The following RAB8B variants were observed in gnomAD, a reference collection of about 807,000 sequenced individuals.
The protein encoded by RAB8B is RAB8B, member RAS oncogene family.
In RAB8B, 11 loss-of-function variants were observed where a neutral mutation model predicts 32.0. The observed-to-expected ratio is 0.34, with a 90% CI of 0.22 to 0.57. RAB8B has a LOEUF of 0.57. Among genes scored for constraint, RAB8B ranks in the 20% least tolerant of loss-of-function variants. The pLI, the probability that RAB8B is intolerant of heterozygous loss-of-function variation, is 0.86. For missense variants in RAB8B, 190 were observed against 258.5 expected (o/e 0.73, Z 1.82); for synonymous variants, 103 against 89.6 (o/e 1.15, Z -0.85).
At position 63,197,459 on chromosome 15, in the gene RAB8B, C is replaced by T. The variant is rs116497554; in HGVS notation, c.124+7711C>T. 7.0e-3 allele frequency among the ~76,000 whole-genome samples: 1,038 copies of T among 149,156 alleles called. 8 individuals are homozygous for T. Among genetic ancestry groups the T allele is most frequent in the African/African-American group, 0.022 (905 of 40,492 alleles). On this transcript the variant is annotated intron_variant, in intron 1 of 7. Coordinates refer to ENST00000321437, the MANE Select transcript of RAB8B (RefSeq NM_016530.3). ...TGCAATCTCGGCTTGCTGCAACCTC[C>T]GCCTCCTGGTCTCAAGCAGTTCTCC...
Position 63,259,238 on chromosome 15 carries a change from G to A in RAB8B, c.415-389G>A, listed in dbSNP as rs933857975. On this transcript the variant is annotated intron_variant, in intron 5 of 7. Coordinates refer to ENST00000321437, the MANE Select transcript of RAB8B (RefSeq NM_016530.3). This position sits in a 1 kb window ranked among gnomAD's most constrained non-coding sequence, Gnocchi z 4.4. ...GGGTTCAAGCAATTCTCCTGCCTCAGCCTCCCGGGTAGCTGGGACTACAGG... is the reference window on the plus strand; with the variant it reads ...GGGTTCAAGCAATTCTCCTGCCTCAACCTCCCGGGTAGCTGGGACTACAGG... Among the ~76,000 whole-genome samples the A allele has an allele frequency of 3.3e-5, 5 of 152,062 alleles. No individual in the cohort carries two copies. Among genetic ancestry groups the A allele is most frequent in the African/African-American group, 1.2e-4 (5 of 41,406 alleles).
At chr15:63,209,791 T>A (rs1024668461) in intron 1 of RAB8B, among the ~76,000 whole-genome samples, 1 of 152,020 alleles carries the variant, frequency 6.6e-6, no homozygotes. Context: ...GGGATACATG[T>A]GCAGAATGTG....
Position 63,189,869 on chromosome 15 carries a change from G to T in RAB8B, c.124+121G>T. ...AGGAGACCCCGGGGACTGCAAGGTGGCGGGGGCACTGAGAGGGGCGAGGGC... is the reference window on the plus strand; with the variant it reads ...AGGAGACCCCGGGGACTGCAAGGTGTCGGGGGCACTGAGAGGGGCGAGGGC... On this transcript the variant is annotated intron_variant, in intron 1 of 7. Coordinates refer to ENST00000321437, the MANE Select transcript of RAB8B (RefSeq NM_016530.3). The T allele has an allele frequency of 2.5e-6, 3 of 1,201,294 alleles. No homozygotes were observed. The South Asian group carries it at 4.6e-5, about 19-fold the overall frequency. The allele number at this position is 1,201,294 out of a possible 1,614,324, so 74.4% of individuals were successfully genotyped here.
intron 1 of RAB8B, among the ~76,000 whole-genome samples, chr15:63,212,562 A>C (rs1018309068): frequency 3.9e-5 from 6 of 152,252 alleles, no homozygotes; most frequent in Non-Finnish European, 8.8e-5. Flanking sequence ...CTAAAAATGT[A>C]GTAAAGTAAA....
At chr15:63,196,566 G>A (rs1427080638) in intron 1 of RAB8B, among the ~76,000 whole-genome samples, 2 of 152,116 alleles carry the variant, frequency 1.3e-5, no homozygotes, top group Non-Finnish European at 2.9e-5. Flanking sequence ...AGTCATATTC[G>A]CCTTTTAAAT....
rs1031438195 is a variant in RAB8B at position 63,249,718 on chromosome 15, T to C, written c.246+13T>C. On this transcript the variant is annotated intron_variant, in intron 3 of 7. Transcript: ENST00000321437. ...CAGAGGAGCCATGGTGAGTGTGTTG[T>C]AGGGTTTTGTAACTCTTCAGGTAGA... 4 of 1,611,322 alleles carry C rather than the reference T, an allele frequency of 2.5e-6. No individual in the cohort carries two copies. The Admixed American group carries it at 6.7e-5, about 27-fold the overall frequency.
At chr15:63,226,903 A>G (rs1179088505) in intron 1 of RAB8B, among the ~76,000 whole-genome samples, 1 of 152,132 alleles carries the variant, frequency 6.6e-6, no homozygotes, top group Non-Finnish European at 1.5e-5. Context: ...TGATATTGCT[A>G]AACAAGGGGT....
chr15:63,230,863 T>G (rs2037930833), intron 1 of RAB8B, among the ~76,000 whole-genome samples: 1 of 152,118 alleles, frequency 6.6e-6, no homozygotes, highest in Non-Finnish European at 1.5e-5. Context: ...GCCCAGCTAA[T>G]TTTTAATTTA....
At chr15:63,241,146 C>A (rs1358784699) in intron 1 of RAB8B, among the ~76,000 whole-genome samples, 1 of 152,180 alleles carries the variant, frequency 6.6e-6, no homozygotes, top group African/African-American at 2.4e-5. Flanking sequence ...AATTTGAGAC[C>A]AGCCTGGTCA....
intron 3 of RAB8B, among the ~76,000 whole-genome samples, chr15:63,252,165 T>G (rs2038121866): frequency 6.6e-6 from 1 of 151,946 alleles, no homozygotes; most frequent in Non-Finnish European, 1.5e-5. Context: ...GAATTTGTAT[T>G]TCTAACTGAT....
chr15:63,241,444 T>C (rs959648533), intron 1 of RAB8B, among the ~76,000 whole-genome samples: 1 of 152,250 alleles, frequency 6.6e-6, no homozygotes, highest in African/African-American at 2.4e-5. Flanking sequence ...TTGAAAGTCA[T>C]TGTTTTTTTT....
At chr15:63,239,543 G>A (rs569742245) in intron 1 of RAB8B, among the ~76,000 whole-genome samples, 8 of 149,546 alleles carry the variant, frequency 5.3e-5, no homozygotes, top group African/African-American at 7.4e-5. Context: ...TAGCCTCCCC[G>A]CTAGCTGGGA....
chr15:63,214,924 G>C lies in RAB8B; in HGVS notation c.124+25176G>C, dbSNP rs76476126. Among the ~76,000 whole-genome samples the C allele has an allele frequency of 2.6e-3, 396 of 152,236 alleles. 3 individuals are homozygous for C. Among genetic ancestry groups the C allele is most frequent in the African/African-American group, 7.8e-3 (326 of 41,546 alleles). On this transcript the variant is annotated intron_variant, in intron 1 of 7. Coordinates refer to ENST00000321437, the MANE Select transcript of RAB8B (RefSeq NM_016530.3). ...TGTTTACTAAGGTCTTTAAAATTGA[G>C]TAGGGCATCTACAGCTCTCTGTCCT...
Position 63,263,726 on chromosome 15 carries a change from G to C in RAB8B, c.*107G>C. 2 of 871,676 alleles carry C rather than the reference G, an allele frequency of 2.3e-6. No homozygotes were observed. Among genetic ancestry groups the C allele is most frequent in the South Asian group, 3.0e-5 (2 of 67,688 alleles). The allele number at this position is 871,676 out of a possible 1,614,324, so 54.0% of individuals were successfully genotyped here. On this transcript the variant is annotated 3_prime_UTR_variant, in exon 8 of 8. Transcript: ENST00000321437. Reference sequence around the variant, plus strand: ...TCACACCTCCCGGCTGCTGCTGAGAGCACCACTGAACTTAGACCTCTCAAC... The same window carrying C: ...TCACACCTCCCGGCTGCTGCTGAGACCACCACTGAACTTAGACCTCTCAAC...
At chr15:63,199,165 A>C (rs1752998885) in intron 1 of RAB8B, among the ~76,000 whole-genome samples, 2 of 152,162 alleles carry the variant, frequency 1.3e-5, no homozygotes, top group African/African-American at 4.8e-5. Flanking sequence ...AGATTTAGAG[A>C]GAGGGGATTG....
intron 1 of RAB8B, among the ~76,000 whole-genome samples, chr15:63,228,430 G>C (rs2037907053): frequency 6.6e-6 from 1 of 152,210 alleles, no homozygotes; most frequent in South Asian, 2.1e-4. Context: ...AATTATCTGT[G>C]TTAATTAGGG....
At chr15:63,212,581 C>A (rs537589940) in intron 1 of RAB8B, among the ~76,000 whole-genome samples, 7 of 152,068 alleles carry the variant, frequency 4.6e-5, no homozygotes, top group African/African-American at 7.2e-5. Context: ...AAAAGTGATT[C>A]ATATAACTAG....
chr15:63,216,858 T>TAA (rs2037796710), intron 1 of RAB8B, among the ~76,000 whole-genome samples: 13 of 129,832 alleles, frequency 1.0e-4, no homozygotes, highest in Admixed American at 1.6e-4. Flanking sequence ...AGACTCTGTC[T>TAA]CAAAAAAAAA....
chr15:63,218,730 A>G (rs1317486353), intron 1 of RAB8B, among the ~76,000 whole-genome samples: 2 of 152,106 alleles, frequency 1.3e-5, no homozygotes, highest in Non-Finnish European at 2.9e-5. Flanking sequence ...ATCTCAGGTG[A>G]TACAGGAATT....
Sources: gnomAD v4.1 joint callset for allele counts (sites outside exome capture counted in the v4.1 genomes callset) on GRCh38, gnomAD v4.1.1 for gene constraint, Gnocchi (gnomAD v3.1) non-coding constraint, MANE v1.5 for transcripts, NCBI Gene and HGNC (gene_info 2026-07-23, HGNC 2026-07-21) for gene names.